The following NRXN3 variants were observed in gnomAD, a reference collection of about 807,000 sequenced individuals.
NRXN3 encodes the protein neurexin III.
A neutral mutation model predicts 137.6 loss-of-function variants in NRXN3; 32 were observed. That is an observed-to-expected ratio of 0.23 (90% CI 0.18 to 0.31). NRXN3 has a LOEUF of 0.31. Ranked by LOEUF, NRXN3 falls within the 10% of genes least tolerant of loss-of-function variation. The probability of loss-of-function intolerance (pLI) is 1.00; values close to 1 mark genes in which losing one functional copy is unlikely to be tolerated. For synonymous variants in NRXN3, 798 were observed against 784.5 expected, an observed-to-expected ratio of 1.02 and a Z score of -0.29; for missense variants, 1,574 against 2,062.5, an observed-to-expected ratio of 0.76 and a Z score of 4.59.
intron 2 of NRXN3, among the ~76,000 whole-genome samples, chr14:78,252,734 C>A (rs1404860626): frequency 6.6e-6 from 1 of 152,190 alleles, no homozygotes; most frequent in African/African-American, 2.4e-5. Flanking sequence ...ATCTCTCCTC[C>A]AGGTATGATT....
chr14:79,428,889 T>G (rs1231111517), intron 15 of NRXN3, among the ~76,000 whole-genome samples: 2 of 152,228 alleles, frequency 1.3e-5, no homozygotes, highest in African/African-American at 2.4e-5. Context: ...TGGGCAGATA[T>G]GTTCTTGAAG....
At chr14:79,108,594 A>G (rs1379915278) in intron 15 of NRXN3, among the ~76,000 whole-genome samples, 1 of 152,184 alleles carries the variant, frequency 6.6e-6, no homozygotes, top group Non-Finnish European at 1.5e-5. Context: ...AATTAAAACT[A>G]GTAAATGGCA....
chr14:79,316,667 C>T (rs2088774973), intron 15 of NRXN3, among the ~76,000 whole-genome samples: 1 of 151,906 alleles, frequency 6.6e-6, no homozygotes. Context: ...ATGCAGACTC[C>T]ACTCCTCAGG....
intron 10 of NRXN3, among the ~76,000 whole-genome samples, chr14:78,828,023 C>G (rs1416946274): frequency 1.3e-5 from 2 of 152,202 alleles, no homozygotes; most frequent in Non-Finnish European, 2.9e-5. Flanking sequence ...TTTACTTGGA[C>G]TCTCTGCATC....
chr14:78,382,887 T>C (rs887094848), intron 4 of NRXN3, among the ~76,000 whole-genome samples: 3 of 152,132 alleles, frequency 2.0e-5, no homozygotes, highest in African/African-American at 7.2e-5. Flanking sequence ...GTACGATCTC[T>C]CTGATCTGAG....
At chr14:78,288,850 A>T (rs1352589209) in intron 3 of NRXN3, among the ~76,000 whole-genome samples, 1 of 152,210 alleles carries the variant, frequency 6.6e-6, no homozygotes, top group East Asian at 1.9e-4. Flanking sequence ...CCTACACTGT[A>T]GTTAGGCCAT....
At chr14:79,216,666 T>C (rs7145157) in intron 15 of NRXN3, among the ~76,000 whole-genome samples, 15,662 of 152,210 alleles carry the variant, frequency 0.1, 846 homozygotes, top group Middle Eastern at 0.15. Context: ...TGAAACATTG[T>C]CTTTCTTCAC....
intron 16 of NRXN3, among the ~76,000 whole-genome samples, chr14:79,518,281 A>G (rs1022509163): frequency 3.9e-5 from 6 of 152,058 alleles, no homozygotes; most frequent in African/African-American, 7.2e-5. Context: ...ATATGTTAGC[A>G]TATGTATATA....
At chr14:79,224,711 A>C (rs925210735) in intron 15 of NRXN3, among the ~76,000 whole-genome samples, 3 of 152,176 alleles carry the variant, frequency 2.0e-5, no homozygotes, top group African/African-American at 7.2e-5. Flanking sequence ...CCTTATAATA[A>C]AAAGGGAAGA....
At chr14:79,577,425 T>G (rs2097675730) in intron 16 of NRXN3, among the ~76,000 whole-genome samples, 1 of 152,178 alleles carries the variant, frequency 6.6e-6, no homozygotes, top group Non-Finnish European at 1.5e-5. Flanking sequence ...TTGCTAAATT[T>G]GGAATATTTT....
intron 4 of NRXN3, among the ~76,000 whole-genome samples, chr14:78,497,728 A>T (rs1418143676): frequency 6.6e-6 from 1 of 152,186 alleles, no homozygotes; most frequent in Non-Finnish European, 1.5e-5. Context: ...TTTCATGGTT[A>T]GATATATAGG....
intron 19 of NRXN3, among the ~76,000 whole-genome samples, chr14:79,723,412 G>C (rs1339066426): frequency 6.6e-6 from 1 of 152,096 alleles, no homozygotes; most frequent in Non-Finnish European, 1.5e-5. Context: ...CAGCCCCCTT[G>C]TCTAGAGTTT....
intron 10 of NRXN3, among the ~76,000 whole-genome samples, chr14:78,874,526 C>G (rs932543486): frequency 6.6e-6 from 1 of 152,172 alleles, no homozygotes. Context: ...TCCTGCAACT[C>G]CTACCAGCCA....
chr14:78,494,930 A>G (rs1404585593), intron 4 of NRXN3, among the ~76,000 whole-genome samples: 1 of 152,054 alleles, frequency 6.6e-6, no homozygotes, highest in Non-Finnish European at 1.5e-5. Context: ...GCCTCTTGAT[A>G]TGGGGCCAGG....
At chr14:79,499,124 T>C (rs1398042278) in intron 16 of NRXN3, among the ~76,000 whole-genome samples, 1 of 152,170 alleles carries the variant, frequency 6.6e-6, no homozygotes, top group Non-Finnish European at 1.5e-5. Flanking sequence ...CCACCCCCAA[T>C]TAAAATCCTC....
intron 16 of NRXN3, among the ~76,000 whole-genome samples, chr14:79,491,137 C>G (rs1023506131): frequency 2.6e-5 from 4 of 152,006 alleles, no homozygotes; most frequent in African/African-American, 9.7e-5. Context: ...AAGGTAGGAA[C>G]TATTATCCTG....
chr14:78,660,253 TTA>T (rs373491178), intron 6 of NRXN3, among the ~76,000 whole-genome samples: 199 of 139,424 alleles, frequency 1.4e-3, no homozygotes, highest in Middle Eastern at 3.7e-3. Flanking sequence ...AGAAGTAGAT[TTA>T]TATATATATA....
chr14:79,778,449 A>C (rs765609486), intron 19 of NRXN3, among the ~76,000 whole-genome samples: 6 of 152,064 alleles, frequency 3.9e-5, no homozygotes, highest in African/African-American at 7.2e-5. Flanking sequence ...AAAACAAAAA[A>C]AGATGAGCAG....
At chr14:78,980,791 T>C (rs2153044699) in intron 14 of NRXN3, among the ~76,000 whole-genome samples, 1 of 152,340 alleles carries the variant, frequency 6.6e-6, no homozygotes, top group Admixed American at 6.5e-5. Context: ...ACTAACACCA[T>C]TGACATCTTA....
Sources: allele counts gnomAD v4.1 joint callset (sites outside exome capture counted in the v4.1 genomes callset), GRCh38; gene constraint gnomAD v4.1.1; transcripts MANE v1.5; gene names NCBI Gene and HGNC (gene_info 2026-07-23, HGNC 2026-07-21).